The following WDR4 variants were observed in gnomAD, a reference collection of about 807,000 sequenced individuals.
The protein encoded by WDR4 is WDR4 tRNA N7-guanosine methyltransferase non-catalytic subunit.
Under a neutral mutation model 48.6 loss-of-function variants are expected in WDR4, and 47 were observed. The ratio of observed to expected loss-of-function variants is 0.97; its 90% CI spans 0.77 to 1.23. WDR4 has a LOEUF of 1.23. Among genes scored for constraint, WDR4 ranks in the 50% most tolerant of loss-of-function variants. WDR4 has a pLI of 0.00. For synonymous variants in WDR4, 268 were observed against 230.0 expected (o/e 1.17, Z -1.49); for missense variants, 606 against 551.6 (o/e 1.10, Z -0.99).
chr21:42,879,579 C>T (rs2058586963), upstream of WDR4: 3 of 1,538,644 alleles, frequency 1.9e-6, no homozygotes, highest in African/African-American at 2.7e-5. Flanking sequence ...CAGGCGCAGA[C>T]GCCGAGAGAT....
intron 6 of WDR4, among the ~76,000 whole-genome samples, chr21:42,857,350 C>G (rs1413381448): frequency 1.3e-5 from 2 of 152,032 alleles, no homozygotes; most frequent in Admixed American, 1.3e-4. Context: ...ACACGTTCTA[C>G]GGAGTCCACA....
intron 2 of WDR4, among the ~76,000 whole-genome samples, chr21:42,875,649 G>A (rs2058473072): frequency 6.6e-6 from 1 of 152,174 alleles, no homozygotes; most frequent in African/African-American, 2.4e-5. Context: ...CGAGGCTGCA[G>A]GGAGTTATGT....
At chr21:42,890,113 A>C in the WDR4 span, among the ~76,000 whole-genome samples, 1 of 151,904 alleles carries the variant, frequency 6.6e-6, no homozygotes, top group Non-Finnish European at 1.5e-5. Context: ...ATACCAGAAT[A>C]CAGAGCTGAG....
At chr21:42,879,654 C>T, upstream of WDR4, 2 of 852,922 alleles carry the variant, frequency 2.3e-6, no homozygotes, top group Non-Finnish European at 3.5e-6. Context: ...GTGAAAGGTG[C>T]TGTGACCGCC....
rs1213585795 is a variant in WDR4, at chr21:42,873,668, C to T, written c.179G>A (p.Gly60Glu). 1.2e-6 allele frequency: 2 copies of T among 1,614,092 alleles called. No homozygotes were observed. The highest frequency in any genetic ancestry group is 1.7e-6 in the Non-Finnish European group (2 of 1,180,012). Residue 60 changes from glycine (G) to glutamate (E), a missense_variant, in exon 3 of 11, where the codon GGG becomes GAG. By Grantham distance (98) the Gly-to-Glu change is moderately conservative. Transcript: ENST00000398208. ...GGTGGACGCCAGAATCGCACCGCTC[C>T]CCTGGTCCAAGGGCGCGTCCTCCCT... ...NKGEDAPLDQ[G>E]SGAILASTFS...
At chr21:42,871,258 C>A (rs911233872) in intron 3 of WDR4, among the ~76,000 whole-genome samples, 5 of 152,218 alleles carry the variant, frequency 3.3e-5, no homozygotes, top group African/African-American at 9.6e-5. Flanking sequence ...TTATTTAAGG[C>A]CCCTAGTCTG....
In WDR4 at chr21:42,868,794, C is replaced by T. The variant is rs191519421; in HGVS notation, c.296+4757G>A. On this transcript the variant is annotated intron_variant, in intron 3 of 10. Transcript: ENST00000398208. ...CCAAGGAAACCGCTGGACACCAAGGCTTGGGAAGCTTCGCCGTGTCTGTTG... is the reference window on the plus strand; with the variant it reads ...CCAAGGAAACCGCTGGACACCAAGGTTTGGGAAGCTTCGCCGTGTCTGTTG... Among the ~76,000 whole-genome samples, 18 of 152,358 alleles carry T rather than the reference C, an allele frequency of 1.2e-4. No homozygotes were observed. The East Asian group carries it at 3.3e-3, about 28-fold the overall frequency.
intron 3 of WDR4, 82 bp downstream of exon 3, chr21:42,873,469 T>C: frequency 6.4e-7 from 1 of 1,566,366 alleles, no homozygotes; most frequent in Non-Finnish European, 8.7e-7. Context: ...CTTATCACCA[T>C]GTTATGGTCA....
intron 9 of WDR4, among the ~76,000 whole-genome samples, chr21:42,852,994 A>C (rs2057875702): frequency 6.6e-6 from 1 of 151,834 alleles, no homozygotes; most frequent in African/African-American, 2.4e-5. Context: ...ACTCCACAGC[A>C]ACCCTGTGAG....
chr21:42,889,672 T>C, the WDR4 span, among the ~76,000 whole-genome samples: 1 of 152,224 alleles, frequency 6.6e-6, no homozygotes, highest in East Asian at 1.9e-4. Context: ...CTTGATTATA[T>C]GGTCATTTGA....
chr21:42,850,089 G>C lies in WDR4; in HGVS notation c.1199C>G (p.Ala400Gly), dbSNP rs1426771544. ...RSPPPGPDGHAKKMRPGEATL... is the reference protein window; with the variant it reads ...RSPPPGPDGHGKKMRPGEATL... ...CGCCTCCCCCGGTCTCATCTTCTTG[G>C]CATGCCCGTCGGGCCCAGGCGGGGG... Residue 400 changes from alanine to glycine, a missense_variant, in exon 11 of 11, where the codon GCC becomes GGC. By Grantham distance (60) the Ala-to-Gly change is moderately conservative (BLOSUM62 0). Coordinates refer to ENST00000398208, the MANE Select transcript of WDR4 (RefSeq NM_018669.6). 13 of 1,613,960 alleles carry C rather than the reference G, an allele frequency of 8.1e-6. No individual in the cohort carries two copies. The highest frequency in any genetic ancestry group is 1.1e-5 in the Non-Finnish European group (13 of 1,179,988).
At position 42,854,472 on chromosome 21, in the gene WDR4, A is replaced by AT; in HGVS notation, c.791+89dup. The AT allele has an allele frequency of 5.9e-6, 8 of 1,347,006 alleles. No individual in the cohort carries two copies. The South Asian group carries it at 1.1e-4, about 19-fold the overall frequency. 83.4% of individuals were successfully genotyped at this position (1,347,006 alleles called of 1,614,324 possible). On this transcript the variant is annotated intron_variant, in intron 8 of 10. Transcript: ENST00000398208. ...TACCACCACCGTTCAGGACCTCTTC[A>AT]TTGAGGACGTGGGCCAGTGGCCAAC...
the WDR4 span, among the ~76,000 whole-genome samples, chr21:42,889,376 A>G: frequency 6.6e-6 from 1 of 152,116 alleles, no homozygotes; most frequent in Non-Finnish European, 1.5e-5. Context: ...GCCTTGAGAC[A>G]TTTTTCCCCA....
At chr21:42,875,092 G>A (rs192822613) in intron 2 of WDR4, among the ~76,000 whole-genome samples, 4 of 152,262 alleles carry the variant, frequency 2.6e-5, no homozygotes, top group Non-Finnish European at 5.9e-5. Flanking sequence ...GACGCTTAGG[G>A]AAAATTGAAA....
At chr21:42,881,548 C>T (rs2058611153), upstream of WDR4, among the ~76,000 whole-genome samples, 2 of 151,948 alleles carry the variant, frequency 1.3e-5, no homozygotes, top group South Asian at 4.2e-4. Flanking sequence ...CTCTGCCCAT[C>T]TTACTGAAGG....
At chr21:42,854,418 G>T in intron 8 of WDR4, 144 bp downstream of exon 8, 2 of 794,464 alleles carry the variant, frequency 2.5e-6, no homozygotes, top group South Asian at 1.9e-5. Flanking sequence ...CATCAAAAGT[G>T]ACATTCTCAG....
chr21:42,850,090 C>T lies in WDR4; in HGVS notation c.1198G>A (p.Ala400Thr), dbSNP rs778004250. The change falls in exon 11 of 11, where the codon GCC becomes ACC. Residue 400 changes from alanine (A) to threonine (T), a missense_variant. Ala to Thr is a moderately conservative substitution (Grantham distance 58). Coordinates refer to ENST00000398208, the MANE Select transcript of WDR4 (RefSeq NM_018669.6). ...GCCTCCCCCGGTCTCATCTTCTTGG[C>T]ATGCCCGTCGGGCCCAGGCGGGGGA... ...RSPPPGPDGH[A>T]KKMRPGEATL... 6.2e-7 allele frequency: 1 copy of T among 1,614,126 alleles called. No homozygotes were observed. Among genetic ancestry groups the T allele is most frequent in the Non-Finnish European group, 8.5e-7 (1 of 1,179,996 alleles).
At chr21:42,850,450 C>T (rs373265818) in intron 10 of WDR4, among the ~76,000 whole-genome samples, 15 of 152,318 alleles carry the variant, frequency 9.8e-5, no homozygotes, top group African/African-American at 2.4e-4. Flanking sequence ...ACTAACAGAA[C>T]GGGGCAAAGA....
chr21:42,891,081 G>GAA, the WDR4 span, among the ~76,000 whole-genome samples: 1 of 152,138 alleles, frequency 6.6e-6, no homozygotes, highest in Non-Finnish European at 1.5e-5. Context: ...CCAGCACTTT[G>GAA]GGAGGCCGAT....
Sources: allele counts gnomAD v4.1 joint callset (sites outside exome capture counted in the v4.1 genomes callset), GRCh38; gene constraint gnomAD v4.1.1; transcripts MANE v1.5; gene names NCBI Gene and HGNC (gene_info 2026-07-23, HGNC 2026-07-21).